Variants in NDRG1 observed in about 807,000 individuals in gnomAD.
The protein encoded by NDRG1 is protein NDRG1.
Under a neutral mutation model 56.9 loss-of-function variants are expected in NDRG1, and 32 were observed. The ratio of observed to expected loss-of-function variants is 0.56; its 90% CI spans 0.42 to 0.76. The LOEUF (loss-of-function observed/expected upper bound fraction) is 0.76, where lower values mean the gene tolerates loss of function less well. Ranked by LOEUF, NDRG1 falls within the 30% of genes least tolerant of loss-of-function variation. The pLI is 0.00. For synonymous variants in NDRG1, 211 were observed against 204.1 expected (o/e 1.03, Z -0.29); for missense variants, 507 against 545.7 (o/e 0.93, Z 0.71).
rs1198338283 is a variant in NDRG1, at chr8:133,280,277, GAC to G, written c.64-12_64-11del. 2 of 1,613,566 alleles carry G rather than the reference GAC, an allele frequency of 1.2e-6. No homozygotes were observed. The highest frequency in any genetic ancestry group is 1.7e-5 in the Admixed American group (1 of 59,990). On this transcript the variant is annotated splice_polypyrimidine_tract_variant and intron_variant, in intron 2 of 15. Transcript: ENST00000323851. ...GGAGGCCGGTGATGGTCTGTGAAAAGACAAAAAAAATTGTCAATTTCATCTGT... is the reference window on the plus strand; with the variant it reads ...GGAGGCCGGTGATGGTCTGTGAAAAGAAAAAAAATTGTCAATTTCATCTGT...
intron 1 of NDRG1, chr8:133,284,843 G>A (rs551748359): frequency 6.6e-6 from 3 of 456,738 alleles, no homozygotes; most frequent in South Asian, 1.5e-5. Context: ...ACAGGCACAC[G>A]CATGCGCGTG....
intron 6 of NDRG1, among the ~76,000 whole-genome samples, chr8:133,258,643 C>T (rs996390744): frequency 3.9e-5 from 6 of 152,246 alleles, no homozygotes; most frequent in Admixed American, 6.5e-5. Context: ...CCCTCCTGGC[C>T]GCCACCCAGG....
intron 14 of NDRG1, 33 bp from the exon 15 acceptor site, chr8:133,242,107 T>C: frequency 6.2e-7 from 1 of 1,613,792 alleles, no homozygotes; most frequent in Non-Finnish European, 8.5e-7. Flanking sequence ...ATGCAGTCAG[T>C]TGCTGGGGAG....
At chr8:133,265,061 C>G (rs1856849595) in intron 3 of NDRG1, 2 of 280,268 alleles carry the variant, frequency 7.1e-6, no homozygotes, top group Non-Finnish European at 1.4e-5. Flanking sequence ...TGGGGCTACA[C>G]AGAATTCACT....
intron 4 of NDRG1, 54 bp downstream of exon 4, chr8:133,264,492 TC>T: frequency 1.9e-6 from 3 of 1,550,686 alleles, no homozygotes; most frequent in Non-Finnish European, 2.7e-6. Flanking sequence ...GCTGCCTTTT[TC>T]CGCCACTCTC....
chr8:133,290,418 G>A (rs71526281), intron 1 of NDRG1, among the ~76,000 whole-genome samples: 4,647 of 152,284 alleles, frequency 0.031, 108 homozygotes, highest in African/African-American at 0.05. Flanking sequence ...CTAGGAGGGA[G>A]GTGCCAGCAT....
At chr8:133,246,729 C>T in intron 12 of NDRG1, 66 bp from the exon 13 acceptor site, 1 of 1,395,402 alleles carries the variant, frequency 7.2e-7, no homozygotes, top group South Asian at 1.2e-5. Flanking sequence ...TCTCCCCCTT[C>T]TCCGCCACTC....
intron 14 of NDRG1, among the ~76,000 whole-genome samples, chr8:133,242,890 G>C (rs1855464286): frequency 6.6e-6 from 1 of 152,162 alleles, no homozygotes; most frequent in Admixed American, 6.5e-5. Flanking sequence ...TCGTTGGATG[G>C]GTAAACAAAC....
intron 3 of NDRG1, among the ~76,000 whole-genome samples, chr8:133,279,594 C>T (rs1200563915): frequency 6.6e-6 from 1 of 152,230 alleles, no homozygotes; most frequent in Non-Finnish European, 1.5e-5. Flanking sequence ...AAGGAGACCA[C>T]AAGCTCGCCA....
At chr8:133,241,519 C>T (rs1010413742) in intron 15 of NDRG1, 7 of 193,258 alleles carry the variant, frequency 3.6e-5, no homozygotes, top group East Asian at 1.2e-4. Context: ...TCCACAGATC[C>T]GCCCTCTGCT....
chr8:133,254,416 C>A, intron 9 of NDRG1, 123 bp downstream of exon 9: 1 of 881,116 alleles, frequency 1.1e-6, no homozygotes, highest in Non-Finnish European at 1.8e-6. Context: ...TCATGAGCAC[C>A]AGCTCGGTGG....
chr8:133,257,151 T>A (rs1856419542), intron 7 of NDRG1, among the ~76,000 whole-genome samples: 1 of 152,200 alleles, frequency 6.6e-6, no homozygotes, highest in Non-Finnish European at 1.5e-5. Flanking sequence ...CCACGGAGGC[T>A]CAGCTTCTCC....
At chr8:133,258,456 A>G (rs1307381799) in intron 6 of NDRG1, 30 bp from the exon 7 acceptor site, 8 of 1,596,044 alleles carry the variant, frequency 5.0e-6, no homozygotes, top group Non-Finnish European at 6.8e-6. Flanking sequence ...TGCATGTCAC[A>G]CAAGGACAGA....
intron 5 of NDRG1, among the ~76,000 whole-genome samples, chr8:133,261,181 C>T (rs1856643907): frequency 6.6e-6 from 1 of 152,152 alleles, no homozygotes; most frequent in Admixed American, 6.5e-5. Flanking sequence ...TCTTGGCTCA[C>T]TGTAACCTCT....
intron 9 of NDRG1, among the ~76,000 whole-genome samples, chr8:133,252,718 C>T (rs1031700315): frequency 2.9e-5 from 4 of 138,410 alleles, no homozygotes; most frequent in African/African-American, 8.3e-5. Flanking sequence ...CTATTCCCCT[C>T]GTACACTCGC....
chr8:133,276,056 G>A (rs1294215024), intron 3 of NDRG1, among the ~76,000 whole-genome samples: 1 of 152,198 alleles, frequency 6.6e-6, no homozygotes, highest in African/African-American at 2.4e-5. Flanking sequence ...AAAATGCTCC[G>A]ACCTCATAGG....
chr8:133,266,946 C>A (rs765235277), intron 3 of NDRG1, among the ~76,000 whole-genome samples: 10 of 152,088 alleles, frequency 6.6e-5, no homozygotes, highest in Non-Finnish European at 1.5e-4. Flanking sequence ...GGAACAAGTT[C>A]AAAAATAAAG....
At chr8:133,286,894 G>A (rs1858148376) in intron 1 of NDRG1, among the ~76,000 whole-genome samples, 2 of 152,328 alleles carry the variant, frequency 1.3e-5, no homozygotes, top group South Asian at 2.1e-4. Context: ...GGGGTAGCCT[G>A]CATGTTGGTC....
chr8:133,248,542 G>A (rs1406360292), intron 11 of NDRG1, among the ~76,000 whole-genome samples, 173 bp downstream of exon 11: 2 of 152,198 alleles, frequency 1.3e-5, no homozygotes, highest in Non-Finnish European at 2.9e-5. Flanking sequence ...GATGCCACCG[G>A]CACAGGGAGA....
Sources: gnomAD v4.1 joint callset for allele counts (sites outside exome capture counted in the v4.1 genomes callset) on GRCh38, gnomAD v4.1.1 for gene constraint, MANE v1.5 for transcripts, NCBI Gene and HGNC (gene_info 2026-07-23, HGNC 2026-07-21) for gene names.